The following MAPKBP1 variants were observed in gnomAD, a reference collection of about 807,000 sequenced individuals.
MAPKBP1 encodes the protein mitogen-activated protein kinase-binding protein 1.
Under a neutral mutation model 170.5 loss-of-function variants are expected in MAPKBP1, and 71 were observed. That is an observed-to-expected ratio of 0.42 (90% CI 0.34 to 0.51). The LOEUF is 0.51. MAPKBP1 is among the 20% of genes least tolerant of loss of function. The pLI, the probability that MAPKBP1 is intolerant of heterozygous loss-of-function variation, is 0.06. For synonymous variants in MAPKBP1, 719 were observed against 757.9 expected (o/e 0.95, Z 0.84); for missense variants, 1,598 against 1,933.0 (o/e 0.83, Z 3.25).
intron 9 of MAPKBP1, 146 bp from the exon 10 acceptor site, chr15:41,814,404 G>T: frequency 1.4e-6 from 1 of 710,978 alleles, no homozygotes; most frequent in Non-Finnish European, 2.3e-6. Flanking sequence ...CTGATGGCTA[G>T]TAGGGGCTCC....
chr15:41,824,243 G>C (rs1052956338), intron 29 of MAPKBP1, among the ~76,000 whole-genome samples, 182 bp downstream of exon 29: 2 of 152,196 alleles, frequency 1.3e-5, no homozygotes, highest in Non-Finnish European at 2.9e-5. Flanking sequence ...TAACCTTCAT[G>C]ATTTCCTTGT....
rs571049585 is a variant in MAPKBP1, at chr15:41,818,763, C to T, written c.2157-60C>T. ...CCTTGCCATCCATGGATAAGGGGAA[C>T]GAATGGCGCTAGCCATTCTACCTGC... is the stretch of plus-strand genomic sequence containing the variant. On this transcript the variant is annotated intron_variant, in intron 19 of 30. Transcript: ENST00000457542. This position sits in a 1 kb window ranked among gnomAD's most constrained non-coding sequence, Gnocchi z 5.2. The T allele has an allele frequency of 3.6e-4, 570 of 1,596,758 alleles. 5 individuals are homozygous for T. The highest frequency in any genetic ancestry group is 3.0e-3 in the South Asian group (267 of 89,936).
At chr15:41,777,689 G>T (rs984131652) in intron 2 of MAPKBP1, among the ~76,000 whole-genome samples, 13 of 152,154 alleles carry the variant, frequency 8.5e-5, no homozygotes, top group African/African-American at 3.1e-4. Context: ...TTAGTAAAAG[G>T]TCTCTACCTG....
chr15:41,803,741 T>TG (rs2064642553), intron 3 of MAPKBP1, among the ~76,000 whole-genome samples: 1 of 151,860 alleles, frequency 6.6e-6, no homozygotes, highest in Non-Finnish European at 1.5e-5. Context: ...GGTTAAGGAG[T>TG]TTGCTTGAGG....
intron 22 of MAPKBP1, among the ~76,000 whole-genome samples, chr15:41,820,445 T>C (rs1446569951): frequency 6.6e-6 from 1 of 152,018 alleles, no homozygotes; most frequent in Non-Finnish European, 1.5e-5. Context: ...TGGTAGTAAG[T>C]GGTTGCTGCT....
intron 3 of MAPKBP1, among the ~76,000 whole-genome samples, chr15:41,801,840 ACT>A (rs773163077): frequency 1.4e-4 from 21 of 151,954 alleles, no homozygotes; most frequent in Middle Eastern, 3.4e-3. Flanking sequence ...ACAAAGAGAG[ACT>A]CTGTCTTAAA....
Position 41,817,957 on chromosome 15 carries a change from C to A in MAPKBP1, c.1905-52C>A. On this transcript the variant is annotated intron_variant, in intron 16 of 30. Coordinates refer to ENST00000457542, the MANE Select transcript of MAPKBP1 (RefSeq NM_014994.3). The surrounding 1 kb of genome is among the most constrained non-coding windows in gnomAD (Gnocchi z 4.2). ...AAAGCTGGCATTTCCATCCCCCAGG[C>A]GTGTTCCACCTTCACCGCCTCCTCA... The A allele has an allele frequency of 6.3e-7, 1 of 1,580,016 alleles. No individual in the cohort carries two copies. Among genetic ancestry groups the A allele is most frequent in the Non-Finnish European group, 8.7e-7 (1 of 1,149,218 alleles).
chr15:41,818,458 T>G lies in MAPKBP1; in HGVS notation c.2093-61T>G. ...CCAACCCCCGTGTCCACTGTTGGGA[T>G]GGAGAGGACTTGGTTGGGAATTTAA... On this transcript the variant is annotated intron_variant, in intron 18 of 30. Transcript: ENST00000457542. This position sits in a 1 kb window ranked among gnomAD's most constrained non-coding sequence, Gnocchi z 5.2. The G allele has an allele frequency of 6.5e-7, 1 of 1,539,026 alleles. No homozygotes were observed. The highest frequency in any genetic ancestry group is 8.9e-7 in the Non-Finnish European group (1 of 1,118,836).
chr15:41,810,774 C>A, intron 3 of MAPKBP1, 109 bp from the exon 4 acceptor site: 1 of 765,654 alleles, frequency 1.3e-6, no homozygotes, highest in Non-Finnish European at 2.2e-6. Flanking sequence ...CTTCTGAGCT[C>A]TTTCTACCCA....
chr15:41,776,917 A>G (rs1305361027), intron 2 of MAPKBP1, among the ~76,000 whole-genome samples: 1 of 152,228 alleles, frequency 6.6e-6, no homozygotes. Flanking sequence ...TACCCTTGCC[A>G]TCAAAGAGCT....
intron 3 of MAPKBP1, among the ~76,000 whole-genome samples, chr15:41,808,641 T>C (rs1246409715): frequency 1.3e-5 from 2 of 150,354 alleles, no homozygotes; most frequent in Admixed American, 1.3e-4. Context: ...ACACCTGGCT[T>C]ATTTTTGTAT....
At chr15:41,816,066 A>C (rs1194444748) in intron 12 of MAPKBP1, among the ~76,000 whole-genome samples, 1 of 152,254 alleles carries the variant, frequency 6.6e-6, no homozygotes, top group East Asian at 1.9e-4. Context: ...CTTACCAAAA[A>C]TGCATAAACT....
At chr15:41,803,130 G>C (rs1433188616) in intron 3 of MAPKBP1, among the ~76,000 whole-genome samples, 1 of 152,052 alleles carries the variant, frequency 6.6e-6, no homozygotes, top group African/African-American at 2.4e-5. Context: ...AAGAGGTCAA[G>C]CAGGCCAAGT....
intron 3 of MAPKBP1, among the ~76,000 whole-genome samples, chr15:41,801,631 T>C (rs2064595596): frequency 6.6e-6 from 1 of 152,182 alleles, no homozygotes; most frequent in South Asian, 2.1e-4. Context: ...GCGGATCACT[T>C]GAGGTCAGGA....
chr15:41,809,182 A>G (rs754584662), intron 3 of MAPKBP1, among the ~76,000 whole-genome samples: 13 of 152,308 alleles, frequency 8.5e-5, no homozygotes, highest in Non-Finnish European at 1.5e-4. Flanking sequence ...CAGGAGTTCA[A>G]GACCAGCTTG....
intron 4 of MAPKBP1, 34 bp downstream of exon 4, chr15:41,810,979 C>G (rs1235188012): frequency 1.2e-6 from 2 of 1,612,078 alleles, no homozygotes; most frequent in African/African-American, 2.7e-5. Context: ...ATACCTCTTC[C>G]TTCTGGGAGC....
rs369411824 is a variant in MAPKBP1 at position 41,822,668 on chromosome 15, G to T, written c.3305G>T (p.Arg1102Leu). The change falls in exon 27 of 31, where the codon CGC (arginine) becomes CTC (leucine). Residue 1102 changes from arginine to leucine, a missense_variant. This residue lies in a region of MAPKBP1 where 942 missense variants were observed against 953.2 expected (regional missense o/e 0.99). Transcript: ENST00000457542. ...CGATTCCTGTTGCAAGTACAGACCC[G>T]CCCACTCAGGTACAGAGGCCCCCTA... ...SSRFLLQVQT[R>L]PLREPSPSSS... is the part of the protein sequence containing the mutation. 6.2e-7 allele frequency: 1 copy of T among 1,613,824 alleles called. No homozygotes were observed. Among genetic ancestry groups the T allele is most frequent in the African/African-American group, 1.3e-5 (1 of 74,870 alleles).
intron 8 of MAPKBP1, chr15:41,813,380 A>G (rs1190575185): frequency 4.6e-6 from 7 of 1,522,668 alleles, no homozygotes; most frequent in Non-Finnish European, 6.4e-6. Context: ...TCTCTTTCTC[A>G]TGCTATTTCT....
At chr15:41,816,135 A>G in intron 12 of MAPKBP1, 1 of 339,984 alleles carries the variant, frequency 2.9e-6, no homozygotes, top group Non-Finnish European at 5.4e-6. Flanking sequence ...CCACAGAGTA[A>G]CTGATCAATA....
Sources: allele counts gnomAD v4.1 joint callset (sites outside exome capture counted in the v4.1 genomes callset), GRCh38; gene constraint gnomAD v4.1.1; regional missense constraint gnomAD v4.1.1; non-coding constraint Gnocchi (gnomAD v3.1); transcripts MANE v1.5; gene names NCBI Gene and HGNC (gene_info 2026-07-23, HGNC 2026-07-21).